The following PLEKHA6 variants were observed in gnomAD, a reference collection of about 807,000 sequenced individuals.
PLEKHA6 encodes pleckstrin homology domain-containing family A member 6.
A neutral mutation model predicts 116.7 loss-of-function variants in PLEKHA6; 60 were observed. That is an observed-to-expected ratio of 0.51 (90% CI 0.42 to 0.64). The LOEUF is 0.64. PLEKHA6 is among the 30% of genes least tolerant of loss of function. The pLI, the probability that PLEKHA6 is intolerant of heterozygous loss-of-function variation, is 0.00. For synonymous variants in PLEKHA6, 489 were observed against 556.1 expected (o/e 0.88, Z 1.70); for missense variants, 1,338 against 1,422.7 (o/e 0.94, Z 0.96).
rs1251019908 is a variant in PLEKHA6 at position 204,309,289 on chromosome 1, A to G, written c.-94-34480T>C. Among the ~76,000 whole-genome samples, 3 of 152,174 alleles carry G rather than the reference A, an allele frequency of 2.0e-5. No individual in the cohort carries two copies. In the East Asian group the frequency reaches 5.8e-4, roughly 29 times the overall value. The stretch of plus-strand genomic sequence containing the variant: ...CATTTTCCTGAGGGTAACCAGACTG[A>G]ACCTTAAACTCAGCATGCTACAATC... On this transcript the variant is annotated intron_variant, in intron 1 of 22. Transcript: ENST00000272203.
intron 9 of PLEKHA6, among the ~76,000 whole-genome samples, chr1:204,254,727 G>A (rs1042978349): frequency 7.9e-5 from 12 of 152,116 alleles, no homozygotes; most frequent in African/African-American, 2.9e-4. Context: ...GAATAGTATG[G>A]GGCATGGAGG....
chr1:204,223,414 A>C lies in PLEKHA6; in HGVS notation c.*8+48T>G. 7 of 978,642 alleles carry C rather than the reference A, an allele frequency of 7.2e-6. No homozygotes were observed. The highest frequency in any genetic ancestry group is 1.1e-5 in the Non-Finnish European group (7 of 623,350). 60.6% of individuals were successfully genotyped at this position (978,642 alleles called of 1,614,324 possible). On this transcript the variant is annotated intron_variant, in intron 22 of 22. Transcript: ENST00000272203. This position sits in a 1 kb window ranked among gnomAD's most constrained non-coding sequence, Gnocchi z 4.8. ...TAGATGGCTCAATGGGGGTGAAGGA[A>C]GGGGCCCCACTCCCGAGGTGGATGA...
chr1:204,234,734 T>C (rs888050335), intron 17 of PLEKHA6, among the ~76,000 whole-genome samples: 3 of 151,774 alleles, frequency 2.0e-5, no homozygotes, highest in African/African-American at 7.3e-5. Context: ...TCTAATCAGC[T>C]GCCAGTGAAT....
intron 1 of PLEKHA6, among the ~76,000 whole-genome samples, chr1:204,320,154 G>A (rs778688511): frequency 4.6e-5 from 7 of 152,166 alleles, no homozygotes; most frequent in Non-Finnish European, 8.8e-5. Context: ...AGAACCAGCT[G>A]CCTCTTCCCT....
intron 17 of PLEKHA6, among the ~76,000 whole-genome samples, chr1:204,235,763 T>C (rs1299773665): frequency 1.3e-5 from 2 of 152,268 alleles, no homozygotes; most frequent in African/African-American, 4.8e-5. Context: ...TATGAACCTT[T>C]TTTTGCCAGA....
At chr1:204,315,728 A>C (rs1351164794) in intron 1 of PLEKHA6, among the ~76,000 whole-genome samples, 1 of 152,220 alleles carries the variant, frequency 6.6e-6, no homozygotes, top group Admixed American at 6.5e-5. Flanking sequence ...TAGAGAGTGG[A>C]TACAGATAAA....
At chr1:204,248,153 GC>G (rs1190139368) in intron 12 of PLEKHA6, among the ~76,000 whole-genome samples, 2 of 77,400 alleles carry the variant, frequency 2.6e-5, no homozygotes, top group Non-Finnish European at 4.9e-5. Flanking sequence ...CAGGGCAGCA[GC>G]CTTTTTTTTT....
At chr1:204,241,573 C>T (rs924123733) in intron 16 of PLEKHA6, 92 bp from the exon 17 acceptor site, 29 of 1,419,206 alleles carry the variant, frequency 2.0e-5, no homozygotes, top group African/African-American at 5.7e-5. Context: ...CACTCTCCAC[C>T]GAGATTAAAA....
At chr1:204,291,739 A>G (rs1436282038) in intron 1 of PLEKHA6, among the ~76,000 whole-genome samples, 1 of 152,216 alleles carries the variant, frequency 6.6e-6, no homozygotes, top group Non-Finnish European at 1.5e-5. Flanking sequence ...ACTAATCTAT[A>G]GTGACAGAAA....
intron 1 of PLEKHA6, chr1:204,297,955 C>T (rs1003717353): frequency 4.2e-6 from 4 of 955,284 alleles, no homozygotes; most frequent in Non-Finnish European, 5.0e-6. Context: ...TCATATCTCT[C>T]CCCATTGACT....
intron 1 of PLEKHA6, among the ~76,000 whole-genome samples, chr1:204,324,609 G>C (rs1558182022): frequency 6.6e-6 from 1 of 152,174 alleles, no homozygotes; most frequent in Non-Finnish European, 1.5e-5. Context: ...ATCTGAGAGG[G>C]ATACAATTCA....
Position 204,257,309 on chromosome 1 carries a change from G to T in PLEKHA6, c.1524+44C>A. 1.3e-6 allele frequency: 2 copies of T among 1,529,878 alleles called. No homozygotes were observed. The highest frequency in any genetic ancestry group is 2.4e-5 in the South Asian group (2 of 83,444). The allele number at this position is 1,529,878 out of a possible 1,614,324, so 94.8% of individuals were successfully genotyped here. A position where few individuals can be genotyped will look rare whatever the true frequency, so the allele number is the denominator to read the frequency against. ...CTCAGTAGATGGTCTTAGGCTTCTG[G>T]GGACCTCAGGGGATGAGGAAGGAAG... On this transcript the variant is annotated intron_variant, in intron 9 of 22. Transcript: ENST00000272203. This position sits in a 1 kb window ranked among gnomAD's most constrained non-coding sequence, Gnocchi z 6.5.
At chr1:204,302,748 T>C (rs1289097022) in intron 1 of PLEKHA6, among the ~76,000 whole-genome samples, 1 of 152,138 alleles carries the variant, frequency 6.6e-6, no homozygotes, top group Non-Finnish European at 1.5e-5. Context: ...TGGTGGCGCA[T>C]GCCTGTAATC....
chr1:204,275,906 A>T lies in PLEKHA6; in HGVS notation c.-94-1097T>A, dbSNP rs1448098484. 2.5e-5 allele frequency: 4 copies of T among 160,012 alleles called. No homozygotes were observed. The South Asian group carries it at 8.0e-4, about 32-fold the overall frequency. The allele number at this position is 160,012 out of a possible 1,614,324, so 9.9% of individuals were successfully genotyped here. A position where few individuals can be genotyped will look rare whatever the true frequency, so the allele number is the denominator to read the frequency against. ...ACTCCCGCAAGGAACAGGCACTAGG[A>T]CAGAGGCCACGGAGACAGGGCCACT... On this transcript the variant is annotated intron_variant, in intron 1 of 22. Transcript: ENST00000272203.
At position 204,257,356 on chromosome 1, in the gene PLEKHA6, G is replaced by A. The variant is rs1445099477; in HGVS notation, c.1521C>T (p.Pro507=). 2 of 1,560,810 alleles carry A rather than the reference G, an allele frequency of 1.3e-6. No individual in the cohort carries two copies. Among genetic ancestry groups the A allele is most frequent in the Admixed American group, 1.9e-5 (1 of 52,254 alleles). Residue 507 remains proline (P), a synonymous_variant, in exon 9 of 23, where the codon CCC becomes CCT. Transcript: ENST00000272203. The surrounding 1 kb of genome is among the most constrained non-coding windows in gnomAD (Gnocchi z 6.5). ...GAAGGGCAGGCTGGTGGCTCACCTTGGGGGAGCTGATGGATCGCCTCATCA... is the reference window on the plus strand; with the variant it reads ...GAAGGGCAGGCTGGTGGCTCACCTTAGGGGAGCTGATGGATCGCCTCATCA... The part of the protein sequence containing the change: ...AYVMRRSISS[P]KVPPYPEVFR...
At chr1:204,309,163 G>A (rs1427050562) in intron 1 of PLEKHA6, 2 of 486,916 alleles carry the variant, frequency 4.1e-6, no homozygotes, top group African/African-American at 4.1e-5. Flanking sequence ...TGCAGGCTGA[G>A]GTCATAGACA....
At chr1:204,343,910 G>A (rs934258057) in intron 1 of PLEKHA6, among the ~76,000 whole-genome samples, 11 of 152,134 alleles carry the variant, frequency 7.2e-5, no homozygotes, top group East Asian at 3.8e-4. Flanking sequence ...GGAGCACAGC[G>A]TCTATAATGA....
intron 1 of PLEKHA6, among the ~76,000 whole-genome samples, chr1:204,343,675 G>A (rs1350788770): frequency 3.3e-5 from 5 of 152,204 alleles, no homozygotes; most frequent in African/African-American, 1.2e-4. Flanking sequence ...AATGATACAA[G>A]TTGAAACTGT....
chr1:204,299,666 G>A (rs893366948), intron 1 of PLEKHA6: 26 of 984,160 alleles, frequency 2.6e-5, no homozygotes, highest in South Asian at 4.7e-5. Flanking sequence ...CTGTCTTAGG[G>A]CCTCACAGTT....
Sources: allele counts gnomAD v4.1 joint callset (sites outside exome capture counted in the v4.1 genomes callset), GRCh38; gene constraint gnomAD v4.1.1; non-coding constraint Gnocchi (gnomAD v3.1); transcripts MANE v1.5; gene names NCBI Gene and HGNC (gene_info 2026-07-23, HGNC 2026-07-21).